CHN1: variants seen among roughly 807,000 people sequenced by gnomAD.
The protein encoded by CHN1 is chimerin 1.
A neutral mutation model predicts 59.5 loss-of-function variants in CHN1; 37 were observed. The observed-to-expected ratio is 0.62, with a 90% CI of 0.48 to 0.82. The LOEUF is 0.82. CHN1 is among the 40% of genes least tolerant of loss of function. CHN1 has a pLI of 0.00. For missense variants in CHN1, 469 were observed against 571.0 expected, an observed-to-expected ratio of 0.82 and a Z score of 1.82; for synonymous variants, 206 against 200.4, an observed-to-expected ratio of 1.03 and a Z score of -0.24.
chr2:174,969,674 C>A (rs1690697551), intron 1 of CHN1, among the ~76,000 whole-genome samples: 1 of 152,274 alleles, frequency 6.6e-6, no homozygotes, highest in South Asian at 2.1e-4. Context: ...AAGTTCAAAA[C>A]CCCCTGACAC....
At chr2:174,948,459 T>C (rs1169010821) in intron 2 of CHN1, among the ~76,000 whole-genome samples, 1 of 152,176 alleles carries the variant, frequency 6.6e-6, no homozygotes, top group Non-Finnish European at 1.5e-5. Context: ...CGTATTTGTT[T>C]AAAAAGAGTC....
intron 3 of CHN1, among the ~76,000 whole-genome samples, chr2:174,926,024 G>C (rs1689156477): frequency 6.6e-6 from 1 of 151,888 alleles, no homozygotes; most frequent in Non-Finnish European, 1.5e-5. Context: ...TATTTCACTG[G>C]AGAAAAAAAC....
chr2:174,977,912 T>C (rs942496244), intron 1 of CHN1, among the ~76,000 whole-genome samples: 10 of 152,068 alleles, frequency 6.6e-5, no homozygotes, highest in African/African-American at 2.4e-4. Flanking sequence ...AAAAAATAAA[T>C]AAAATGTTTA....
intron 3 of CHN1, among the ~76,000 whole-genome samples, chr2:174,925,932 T>C (rs1689154078): frequency 6.6e-6 from 1 of 152,248 alleles, no homozygotes. Flanking sequence ...TTACTCATAT[T>C]GGCTCAGAAT....
At chr2:174,909,666 A>G (rs1357662136) in intron 5 of CHN1, among the ~76,000 whole-genome samples, 1 of 152,234 alleles carries the variant, frequency 6.6e-6, no homozygotes, top group East Asian at 1.9e-4. Context: ...AAAGATCACA[A>G]GTCCTTCATA....
intron 1 of CHN1, among the ~76,000 whole-genome samples, chr2:174,958,091 A>G (rs923021785): frequency 1.6e-4 from 24 of 147,098 alleles, no homozygotes; most frequent in African/African-American, 5.7e-4. Flanking sequence ...TGAGCCCAGG[A>G]GTTCAAGATC....
At chr2:174,934,344 T>A (rs1003997696) in intron 3 of CHN1, among the ~76,000 whole-genome samples, 1 of 152,188 alleles carries the variant, frequency 6.6e-6, no homozygotes, top group African/African-American at 2.4e-5. Flanking sequence ...CAGTTCACAA[T>A]AGGGGTCACA....
intron 1 of CHN1, among the ~76,000 whole-genome samples, chr2:174,986,223 G>C (rs541156576): frequency 6.6e-6 from 1 of 152,092 alleles, no homozygotes; most frequent in Non-Finnish European, 1.5e-5. Flanking sequence ...CTACTCAGCA[G>C]AGAAGTTAGA....
At chr2:174,919,393 C>G (rs924686402) in intron 3 of CHN1, among the ~76,000 whole-genome samples, 3 of 148,236 alleles carry the variant, frequency 2.0e-5, no homozygotes, top group African/African-American at 7.6e-5. Flanking sequence ...TAAAGTGAGT[C>G]CTGAATGACA....
intron 3 of CHN1, 102 bp from the exon 4 acceptor site, chr2:174,918,667 A>G: frequency 1.0e-6 from 1 of 953,760 alleles, no homozygotes; most frequent in African/African-American, 1.7e-5. Context: ...TATATTAAAA[A>G]AAGAATTCAA....
In CHN1 at chr2:174,969,703, T is replaced by C. The variant is rs1024515973; in HGVS notation, c.20-17501A>G. Among the ~76,000 whole-genome samples, 32 of 152,296 alleles carry C rather than the reference T, an allele frequency of 2.1e-4. No individual in the cohort carries two copies. In the Middle Eastern group the frequency reaches 0.01, roughly 49 times the overall value. On this transcript the variant is annotated intron_variant, in intron 1 of 12. Coordinates refer to ENST00000409900, the MANE Select transcript of CHN1 (RefSeq NM_001822.7). The stretch of plus-strand genomic sequence containing the variant: ...CTGACACTTCATACTCTTTTTTTTT[T>C]CTACTTAGTACTTCTTGCTATCTAA...
intron 3 of CHN1, among the ~76,000 whole-genome samples, chr2:174,938,331 T>G (rs1689559159): frequency 6.6e-6 from 1 of 152,176 alleles, no homozygotes; most frequent in South Asian, 2.1e-4. Flanking sequence ...TCCCACTATT[T>G]AATCCTTTAC....
At chr2:174,800,743 T>TGGCTAC (rs1333051305) in intron 12 of CHN1, among the ~76,000 whole-genome samples, 1 of 151,986 alleles carries the variant, frequency 6.6e-6, no homozygotes, top group Non-Finnish European at 1.5e-5. Flanking sequence ...TAATAAGCAA[T>TGGCTAC]GGGTAGGCAC....
intron 1 of CHN1, among the ~76,000 whole-genome samples, chr2:174,995,894 T>C (rs1244660596): frequency 6.6e-6 from 1 of 152,242 alleles, no homozygotes; most frequent in Non-Finnish European, 1.5e-5. Context: ...ACCCTTATTT[T>C]ACTTAACAGT....
At chr2:174,900,092 T>C (rs1370347489) in intron 5 of CHN1, among the ~76,000 whole-genome samples, 1 of 152,190 alleles carries the variant, frequency 6.6e-6, no homozygotes, top group Non-Finnish European at 1.5e-5. Flanking sequence ...GAAGAAAGTA[T>C]TAAATACAAT....
intron 1 of CHN1, among the ~76,000 whole-genome samples, chr2:174,992,958 T>G (rs930991842): frequency 1.3e-5 from 2 of 152,048 alleles, no homozygotes; most frequent in Non-Finnish European, 2.9e-5. Flanking sequence ...GCCAGCTATT[T>G]TTTTATTTTT....
intron 6 of CHN1, among the ~76,000 whole-genome samples, chr2:174,855,982 T>C (rs1686888213): frequency 6.6e-6 from 1 of 152,118 alleles, no homozygotes; most frequent in African/African-American, 2.4e-5. Flanking sequence ...TAACATGCCA[T>C]TTTGAAAGGT....
intron 8 of CHN1, among the ~76,000 whole-genome samples, chr2:174,821,479 G>C (rs1413539195): frequency 6.6e-6 from 1 of 152,188 alleles, no homozygotes; most frequent in Non-Finnish European, 1.5e-5. Flanking sequence ...TGGTTTGAAA[G>C]TGTCCCCTCA....
chr2:174,917,879 G>C (rs898696999), intron 4 of CHN1, among the ~76,000 whole-genome samples: 2 of 152,052 alleles, frequency 1.3e-5, no homozygotes, highest in African/African-American at 4.8e-5. Flanking sequence ...TCCCCAAAGT[G>C]CTACATTTCT....
Sources: gnomAD v4.1 joint callset for allele counts (sites outside exome capture counted in the v4.1 genomes callset) on GRCh38, gnomAD v4.1.1 for gene constraint, MANE v1.5 for transcripts, NCBI Gene and HGNC (gene_info 2026-07-23, HGNC 2026-07-21) for gene names.